The following LHFPL4 variants were observed in gnomAD, a reference collection of about 807,000 sequenced individuals.
LHFPL4 encodes LHFPL tetraspan subfamily member 4 protein.
In LHFPL4, 6 loss-of-function variants were observed where a neutral mutation model predicts 20.0. That is an observed-to-expected ratio of 0.30 (90% CI 0.16 to 0.59). The LOEUF is 0.59. Among genes scored for constraint, LHFPL4 ranks in the 20% least tolerant of loss-of-function variants. LHFPL4 has a pLI of 0.88. For missense variants in LHFPL4, 215 were observed against 331.2 expected, an observed-to-expected ratio of 0.65 and a Z score of 2.72; for synonymous variants, 129 against 143.8, an observed-to-expected ratio of 0.90 and a Z score of 0.74.
At chr3:9,516,251 G>T (rs2046300378) in intron 2 of LHFPL4, among the ~76,000 whole-genome samples, 1 of 152,054 alleles carries the variant, frequency 6.6e-6, no homozygotes, top group Non-Finnish European at 1.5e-5. Context: ...GAAACATTTT[G>T]AAGAGTGTAA....
At chr3:9,543,329 G>A (rs563200829) in intron 2 of LHFPL4, among the ~76,000 whole-genome samples, 111 of 151,930 alleles carry the variant, frequency 7.3e-4, no homozygotes, top group African/African-American at 2.0e-3. Context: ...GTGAAACCCC[G>A]TCTCTACTAA....
intron 2 of LHFPL4, among the ~76,000 whole-genome samples, chr3:9,513,341 G>C (rs1020147975): frequency 1.3e-4 from 19 of 151,886 alleles, no homozygotes; most frequent in Admixed American, 5.9e-4. Context: ...GACAGGTCTT[G>C]CTCTGTCACT....
At chr3:9,533,746 C>A (rs774819134) in intron 2 of LHFPL4, among the ~76,000 whole-genome samples, 9 of 152,060 alleles carry the variant, frequency 5.9e-5, no homozygotes, top group Non-Finnish European at 1.3e-4. Context: ...TGTGCCACTG[C>A]ACTCCAGCCT....
intron 3 of LHFPL4, among the ~76,000 whole-genome samples, chr3:9,504,578 C>A (rs927834994): frequency 2.9e-4 from 44 of 152,206 alleles, no homozygotes; most frequent in African/African-American, 1.0e-3. Flanking sequence ...GTAATCCCAG[C>A]ACTTTGGGAG....
At chr3:9,523,090 A>AAGAAAGAG (rs1487753781) in intron 2 of LHFPL4, among the ~76,000 whole-genome samples, 2 of 142,984 alleles carry the variant, frequency 1.4e-5, no homozygotes, top group African/African-American at 2.6e-5. Flanking sequence ...GAAAGAAAGA[A>AAGAAAGAG]AGAGAGAGAG....
rs1649680270 is a variant in LHFPL4, at chr3:9,509,249, C to G, written c.407-3046G>C. Among the ~76,000 whole-genome samples the G allele has an allele frequency of 4.5e-5, 5 of 111,830 alleles. 1 individual carries two copies. The highest frequency in any genetic ancestry group is 1.6e-4 in the African/African-American group (5 of 31,002). The allele number at this position is 111,830 out of a possible 152,430, so 73.4% of individuals were successfully genotyped here. ...TTTTCATCTTTCTTCGCACCCCCCTCTCTCTCTCTCTGGCTTGTCTACCTA... is the reference window on the plus strand; with the variant it reads ...TTTTCATCTTTCTTCGCACCCCCCTGTCTCTCTCTCTGGCTTGTCTACCTA... On this transcript the variant is annotated intron_variant, in intron 2 of 3. Transcript: ENST00000287585.
chr3:9,551,674 G>T (rs1342646436), intron 2 of LHFPL4, among the ~76,000 whole-genome samples: 4 of 152,164 alleles, frequency 2.6e-5, no homozygotes, highest in Non-Finnish European at 5.9e-5. Context: ...ATCACCCAAT[G>T]CTTTCAACCA....
chr3:9,532,160 G>A (rs1279731847), intron 2 of LHFPL4, among the ~76,000 whole-genome samples: 1 of 151,672 alleles, frequency 6.6e-6, no homozygotes, highest in Admixed American at 6.6e-5. Context: ...CGAGTAGCTG[G>A]GATTACAGGT....
At chr3:9,529,529 A>G (rs1024719202) in intron 2 of LHFPL4, among the ~76,000 whole-genome samples, 6 of 152,238 alleles carry the variant, frequency 3.9e-5, no homozygotes, top group East Asian at 1.9e-4. Flanking sequence ...TTGTGTTAGC[A>G]GGCATGAAAA....
At chr3:9,511,209 C>T (rs112272759) in intron 2 of LHFPL4, among the ~76,000 whole-genome samples, 188 of 150,908 alleles carry the variant, frequency 1.2e-3, no homozygotes, top group African/African-American at 4.3e-3. Flanking sequence ...AAATTAGCCA[C>T]GCGTGGTGGC....
intron 2 of LHFPL4, among the ~76,000 whole-genome samples, chr3:9,547,476 G>C (rs2046522934): frequency 6.6e-6 from 1 of 152,216 alleles, no homozygotes; most frequent in African/African-American, 2.4e-5. Flanking sequence ...CTGGGTTCCA[G>C]TTCAGTGATA....
chr3:9,550,163 C>T (rs1263203990), intron 2 of LHFPL4, among the ~76,000 whole-genome samples: 2 of 152,204 alleles, frequency 1.3e-5, no homozygotes, highest in Non-Finnish European at 2.9e-5. Context: ...CCAAGAACCC[C>T]CACCCCAAGA....
At chr3:9,538,914 G>A (rs2046460328) in intron 2 of LHFPL4, among the ~76,000 whole-genome samples, 1 of 151,752 alleles carries the variant, frequency 6.6e-6, no homozygotes, top group African/African-American at 2.4e-5. Flanking sequence ...TGGCCAGGCT[G>A]GTCTTGAACC....
Position 9,498,724 on chromosome 3 carries a change from C to G in LHFPL4, c.*3487G>C, listed in dbSNP as rs2046148719. The G allele has an allele frequency of 6.5e-6, 1 of 152,696 alleles. No homozygotes were observed. The highest frequency in any genetic ancestry group is 2.4e-5 in the African/African-American group (1 of 41,460). The allele number at this position is 152,696 out of a possible 1,614,324, so 9.5% of individuals were successfully genotyped here. On this transcript the variant is annotated 3_prime_UTR_variant, in exon 4 of 4. Transcript: ENST00000287585. The stretch of plus-strand genomic sequence containing the variant: ...AGACAGGGTTTCCCTTTCTCTTTCT[C>G]AGTTCACACTGGAAGCTGGAGAAAG...
In LHFPL4 at chr3:9,504,856, T is replaced by A. The variant is rs557357878; in HGVS notation, c.643+1111A>T. Among the ~76,000 whole-genome samples, 3 of 151,558 alleles carry A rather than the reference T, an allele frequency of 2.0e-5. No individual in the cohort carries two copies. In the East Asian group the frequency reaches 5.8e-4, roughly 29 times the overall value. On this transcript the variant is annotated intron_variant, in intron 3 of 3. Coordinates refer to ENST00000287585, the MANE Select transcript of LHFPL4 (RefSeq NM_198560.3). ...AAAAAAATACTGCCACAAATACATGTGTGTTTAAACAATACATTGCTTAGT... is the reference window on the plus strand; with the variant it reads ...AAAAAAATACTGCCACAAATACATGAGTGTTTAAACAATACATTGCTTAGT...
At chr3:9,539,655 G>GA (rs1332962937) in intron 2 of LHFPL4, among the ~76,000 whole-genome samples, 1 of 151,962 alleles carries the variant, frequency 6.6e-6, no homozygotes, top group Non-Finnish European at 1.5e-5. Flanking sequence ...CCCCATGGGG[G>GA]AAAAATCCAT....
rs528977710 is a variant in LHFPL4, at chr3:9,547,341, C to T, written c.406+4933G>A. On this transcript the variant is annotated intron_variant, in intron 2 of 3. Transcript: ENST00000287585. Reference sequence around the variant, plus strand: ...CACATACTTATCCTGGCACCCCCGACCCTTAACCACACTTCACCTTGAATC... The same window carrying T: ...CACATACTTATCCTGGCACCCCCGATCCTTAACCACACTTCACCTTGAATC... 7.1e-4 allele frequency among the ~76,000 whole-genome samples: 108 copies of T among 152,262 alleles called. 3 individuals are homozygous for T. In the South Asian group the frequency reaches 0.021, roughly 30 times the overall value.
intron 2 of LHFPL4, among the ~76,000 whole-genome samples, chr3:9,545,313 T>G (rs940484759): frequency 1.3e-5 from 2 of 152,130 alleles, no homozygotes; most frequent in Non-Finnish European, 2.9e-5. Flanking sequence ...TCTCTCAATG[T>G]GTTTATCAGT....
chr3:9,553,366 G>A (rs1309355008), intron 1 of LHFPL4, among the ~76,000 whole-genome samples: 1 of 150,606 alleles, frequency 6.6e-6, no homozygotes, highest in Non-Finnish European at 1.5e-5. Context: ...GCTAGAGCGG[G>A]ATCGGGGGCT....
Sources: gnomAD v4.1 joint callset for allele counts (sites outside exome capture counted in the v4.1 genomes callset) on GRCh38, gnomAD v4.1.1 for gene constraint, MANE v1.5 for transcripts, NCBI Gene and HGNC (gene_info 2026-07-23, HGNC 2026-07-21) for gene names.